The following DIAPH2 variants were observed in gnomAD, a reference collection of about 807,000 sequenced individuals.
The protein encoded by DIAPH2 is diaphanous related formin 2.
DIAPH2 carries 35 observed loss-of-function variants against 92.7 expected under a neutral mutation model. The ratio of observed to expected loss-of-function variants is 0.38; its 90% confidence interval spans 0.29 to 0.50. The LOEUF (loss-of-function observed/expected upper bound fraction) is 0.50. DIAPH2 is among the 20% of genes least tolerant of loss of function. The pLI is 0.94. For synonymous variants in DIAPH2, 301 were observed against 280.4 expected, an observed-to-expected ratio of 1.07 and a Z score of -0.73; for missense variants, 701 against 819.5, an observed-to-expected ratio of 0.86 and a Z score of 1.77.
intron 23 of DIAPH2, among the ~76,000 whole-genome samples, chrX:97,346,894 A>C (rs1431179220): frequency 9.0e-6 from 1 of 110,598 alleles, no homozygotes; most frequent in Non-Finnish European, 1.9e-5. Context: ...TTCAGGAGAA[A>C]AGGATTAGAA....
intron 25 of DIAPH2, among the ~76,000 whole-genome samples, chrX:97,422,298 A>G (rs1329637007): frequency 1.8e-5 from 2 of 110,591 alleles, no homozygotes; most frequent in Non-Finnish European, 3.8e-5. Context: ...TTTTTTTTTA[A>G]ATCTGTTTTT....
chrX:97,095,847 T>C (rs1291612470), intron 19 of DIAPH2, among the ~76,000 whole-genome samples: 1 of 112,436 alleles, frequency 8.9e-6, no homozygotes, highest in Non-Finnish European at 1.9e-5. Flanking sequence ...AAATTTGTGA[T>C]GCGTAAAAGA....
chrX:97,271,667 C>T (rs1005090607), intron 23 of DIAPH2, among the ~76,000 whole-genome samples: 2 of 110,468 alleles, frequency 1.8e-5, no homozygotes, highest in African/African-American at 3.3e-5. Context: ...AATGCAACAA[C>T]ATCATTGAAC....
chrX:97,176,684 T>A (rs751036507), intron 22 of DIAPH2, among the ~76,000 whole-genome samples: 1 of 110,795 alleles, frequency 9.0e-6, no homozygotes, highest in Admixed American at 9.7e-5. Context: ...CCTGCCACCA[T>A]GCCCGGCTAA....
At chrX:96,814,316 CAT>C (rs1402530497) in intron 4 of DIAPH2, among the ~76,000 whole-genome samples, 1 of 111,813 alleles carries the variant, frequency 8.9e-6, no homozygotes, top group Non-Finnish European at 1.9e-5. Context: ...TTGATCGAAT[CAT>C]GTGTTGAAGC....
intron 25 of DIAPH2, among the ~76,000 whole-genome samples, chrX:97,418,205 T>G (rs1016677208): frequency 8.9e-6 from 1 of 112,680 alleles, no homozygotes; most frequent in African/African-American, 3.2e-5. Flanking sequence ...CTGTTTTGCC[T>G]TCCTGCAGTT....
Position 96,816,806 on chromosome X carries a change from A to T in DIAPH2, c.447+58548A>T, listed in dbSNP as rs773004095. Among the ~76,000 whole-genome samples the T allele has an allele frequency of 8.0e-5, 9 of 112,632 alleles. 1 individual carries two copies. In the East Asian group the frequency reaches 2.5e-3, roughly 31 times the overall value. ...TGTTGAAGCACTATTTACAATAGTG[A>T]AGATTTGGAAGCAACATAAGTGTTC... On this transcript the variant is annotated intron_variant, in intron 4 of 26. Transcript: ENST00000324765.
At chrX:96,892,036 AG>A (rs1176718172) in intron 5 of DIAPH2, among the ~76,000 whole-genome samples, 1 of 112,484 alleles carries the variant, frequency 8.9e-6, no homozygotes, top group African/African-American at 3.2e-5. Flanking sequence ...TAATGAAAAT[AG>A]ATGGATCTTG....
chrX:96,737,461 T>C (rs1402784241), intron 2 of DIAPH2, among the ~76,000 whole-genome samples: 4 of 111,960 alleles, frequency 3.6e-5, no homozygotes, highest in African/African-American at 1.3e-4. Flanking sequence ...TCTGGTTACA[T>C]GGCGGTGAAG....
rs965912544 is a variant in DIAPH2 at position 96,864,273 on chromosome X, G to A, written c.448-17306G>A. Among the ~76,000 whole-genome samples, 54 of 101,179 alleles carry A rather than the reference G, an allele frequency of 5.3e-4. No individual in the cohort carries two copies. In the East Asian group the frequency reaches 0.016, roughly 29 times the overall value. The allele number at this position is 101,179 out of a possible 115,157, so 87.9% of individuals were successfully genotyped here. A position where few individuals can be genotyped will look rare whatever the true frequency, so the allele number is the denominator to read the frequency against. On this transcript the variant is annotated intron_variant, in intron 4 of 26. Transcript: ENST00000324765. ...AGTAGCATTATCAGGTCAAAAATAA[G>A]TCATACTTTTTGAGGCACTTTTTTT...
chrX:96,715,848 G>A (rs769394122), intron 1 of DIAPH2, among the ~76,000 whole-genome samples: 3 of 109,992 alleles, frequency 2.7e-5, no homozygotes, highest in East Asian at 5.7e-4. Flanking sequence ...TTTCATAGAC[G>A]TAATAGCATG....
At chrX:97,309,081 C>A (rs982436728) in intron 23 of DIAPH2, among the ~76,000 whole-genome samples, 1 of 109,879 alleles carries the variant, frequency 9.1e-6, no homozygotes, top group Non-Finnish European at 1.9e-5. Flanking sequence ...TTTCTTTTAT[C>A]AGTGGCTTGC....
intron 22 of DIAPH2, among the ~76,000 whole-genome samples, chrX:97,185,427 A>G (rs868600556): frequency 6.1e-5 from 4 of 66,032 alleles, no homozygotes; most frequent in East Asian, 4.2e-4. Context: ...ATATATGTAT[A>G]TATATATGTG....
intron 9 of DIAPH2, among the ~76,000 whole-genome samples, chrX:96,918,856 T>C (rs12013934): frequency 0.035 from 3,944 of 112,026 alleles, 170 homozygotes; most frequent in African/African-American, 0.12. Context: ...GTAATTAATG[T>C]AATAAACCAG....
chrX:97,317,628 A>G (rs2068850995), intron 23 of DIAPH2, among the ~76,000 whole-genome samples: 1 of 112,022 alleles, frequency 8.9e-6, no homozygotes, highest in Admixed American at 9.5e-5. Flanking sequence ...TGTGTTTTTG[A>G]CTAATCATGC....
chrX:97,230,496 C>G (rs888343763), intron 22 of DIAPH2, among the ~76,000 whole-genome samples: 5 of 111,945 alleles, frequency 4.5e-5, no homozygotes, highest in African/African-American at 1.6e-4. Context: ...ATTTATAATA[C>G]CATCAACTAA....
intron 24 of DIAPH2, among the ~76,000 whole-genome samples, chrX:97,376,520 A>AAAAAG (rs2069502096): frequency 4.5e-5 from 5 of 112,335 alleles, no homozygotes; most frequent in Non-Finnish European, 7.5e-5. Flanking sequence ...GAGGAAATGG[A>AAAAAG]GTACAGACCC....
intron 17 of DIAPH2, among the ~76,000 whole-genome samples, chrX:97,059,521 A>G (rs1354321092): frequency 3.6e-5 from 4 of 111,314 alleles, no homozygotes; most frequent in South Asian, 3.8e-4. Context: ...CTCGAGAATA[A>G]CTTTTGACTC....
chrX:96,762,458 A>AAT, intron 4 of DIAPH2, among the ~76,000 whole-genome samples: 1 of 111,513 alleles, frequency 9.0e-6, no homozygotes, highest in African/African-American at 3.2e-5. Flanking sequence ...AAACTAGAAT[A>AAT]ATAAGTAATC....
Sources: gnomAD v4.1 joint callset for allele counts (sites outside exome capture counted in the v4.1 genomes callset) on GRCh38, gnomAD v4.1.1 for gene constraint, MANE v1.5 for transcripts, NCBI Gene and HGNC (gene_info 2026-07-23, HGNC 2026-07-21) for gene names.